EPB41: variants seen among roughly 807,000 people sequenced by gnomAD.
EPB41 encodes protein 4.1.
EPB41 carries 65 observed loss-of-function variants against 108.0 expected under a neutral mutation model. The ratio of observed to expected loss-of-function variants is 0.60; its 90% confidence interval spans 0.49 to 0.74. The LOEUF (loss-of-function observed/expected upper bound fraction) is 0.74. Among genes scored for constraint, EPB41 ranks in the 30% least tolerant of loss-of-function variants. The pLI is 0.00. For missense variants in EPB41, 875 were observed against 1,037.0 expected (o/e 0.84, Z 2.15); for synonymous variants, 336 against 358.9 (o/e 0.94, Z 0.72).
At chr1:29,095,139 T>C (rs566862714) in intron 16 of EPB41, among the ~76,000 whole-genome samples, 114 of 152,008 alleles carry the variant, frequency 7.5e-4, no homozygotes, top group Non-Finnish European at 1.5e-3. Flanking sequence ...AGATACAGAG[T>C]GGTGACTCTA....
chr1:28,962,169 T>C (rs578170327), intron 1 of EPB41, among the ~76,000 whole-genome samples: 1 of 152,146 alleles, frequency 6.6e-6, no homozygotes, highest in African/African-American at 2.4e-5. Context: ...CAAGCGATTC[T>C]CCTGCCTCAG....
intron 16 of EPB41, among the ~76,000 whole-genome samples, chr1:29,087,091 G>A (rs574295806): frequency 1.3e-5 from 2 of 151,396 alleles, no homozygotes; most frequent in South Asian, 2.1e-4. Context: ...ACAGGCGCCC[G>A]CCACCATGCC....
chr1:28,935,467 A>ACACACACACACACACACACACACACAC (rs1294457517), intron 1 of EPB41, among the ~76,000 whole-genome samples: 1 of 64,216 alleles, frequency 1.6e-5, no homozygotes, highest in Non-Finnish European at 3.2e-5. Context: ...ACACACACAC[A>ACACACACACACACACACACACACACAC]CCCCCCCCCC....
chr1:29,015,577 A>AG, intron 5 of EPB41, 115 bp from the exon 6 acceptor site: 2 of 703,628 alleles, frequency 2.8e-6, no homozygotes, highest in Non-Finnish European at 4.6e-6. Flanking sequence ...TCCGTCTCAA[A>AG]GAAAAAAAAA....
At chr1:28,988,215 G>A (rs1046279050) in intron 2 of EPB41, among the ~76,000 whole-genome samples, 3 of 152,204 alleles carry the variant, frequency 2.0e-5, no homozygotes, top group South Asian at 2.1e-4. Context: ...AGCTGAGATC[G>A]TGCCACTGCA....
At chr1:29,076,678 A>G (rs1654203909) in intron 16 of EPB41, among the ~76,000 whole-genome samples, 1 of 152,202 alleles carries the variant, frequency 6.6e-6, no homozygotes, top group African/African-American at 2.4e-5. Flanking sequence ...AAGTGATAAT[A>G]AATATTTGAA....
At chr1:28,933,202 G>C (rs577383994) in intron 1 of EPB41, among the ~76,000 whole-genome samples, 15 of 152,168 alleles carry the variant, frequency 9.9e-5, no homozygotes, top group Non-Finnish European at 2.2e-4. Flanking sequence ...ATGATAAATA[G>C]ATGGCAACAT....
At chr1:29,053,368 C>A in intron 12 of EPB41, 56 bp downstream of exon 12, 1 of 1,595,018 alleles carries the variant, frequency 6.3e-7, no homozygotes, top group East Asian at 2.2e-5. Flanking sequence ...GAGGCCTTAA[C>A]TTTTTGACCA....
At chr1:28,909,240 C>G (rs138809262) in intron 1 of EPB41, among the ~76,000 whole-genome samples, 66 of 151,022 alleles carry the variant, frequency 4.4e-4, no homozygotes, top group African/African-American at 1.4e-3. Flanking sequence ...TGAAATTGTT[C>G]ACATTTGATC....
Position 29,051,018 on chromosome 1 carries a change from C to T in EPB41, c.1637-2086C>T, listed in dbSNP as rs746879990. On this transcript the variant is annotated intron_variant, in intron 11 of 20. Transcript: ENST00000343067. The stretch of plus-strand genomic sequence containing the variant: ...ATTTCTGCTGTTTTTCCTATATATC[C>T]GCTAAGGAATTAGTTCTTTCATTGG... Among the ~76,000 whole-genome samples the T allele has an allele frequency of 9.9e-5, 15 of 150,926 alleles. No individual in the cohort carries two copies. In the Middle Eastern group the frequency reaches 0.01, roughly 105 times the overall value.
intron 16 of EPB41, chr1:29,065,388 C>G (rs1482211753): frequency 3.7e-6 from 2 of 546,008 alleles, no homozygotes; most frequent in Non-Finnish European, 5.7e-6. Flanking sequence ...AGATGATTAG[C>G]CTCTGAGAAC....
intron 17 of EPB41, among the ~76,000 whole-genome samples, chr1:29,100,871 G>C (rs1288197559): frequency 1.3e-5 from 2 of 150,828 alleles, no homozygotes; most frequent in Admixed American, 1.3e-4. Flanking sequence ...CAAGGCTACA[G>C]TGAGCTAGAG....
At chr1:28,910,087 CA>C (rs5773222), upstream of EPB41, among the ~76,000 whole-genome samples, 18,166 of 120,868 alleles carry the variant, frequency 0.15, 1,443 homozygotes, top group African/African-American at 0.28. Context: ...ACCACTGTCT[CA>C]AAAAAAAAAA....
chr1:28,915,411 C>T (rs1279276687), intron 1 of EPB41, among the ~76,000 whole-genome samples: 1 of 152,118 alleles, frequency 6.6e-6, no homozygotes, highest in Non-Finnish European at 1.5e-5. Context: ...TCCGTGCTCG[C>T]TGGGCTGCTG....
chr1:28,891,371 T>G (rs2090097703), intron 1 of EPB41, among the ~76,000 whole-genome samples: 1 of 152,070 alleles, frequency 6.6e-6, no homozygotes, highest in African/African-American at 2.4e-5. Context: ...AGACTGAGGT[T>G]GGAGAGGTTC....
At chr1:28,930,077 A>G (rs1055523457) in intron 1 of EPB41, among the ~76,000 whole-genome samples, 1 of 150,794 alleles carries the variant, frequency 6.6e-6, no homozygotes, top group Non-Finnish European at 1.5e-5. Flanking sequence ...GTAAGCACTA[A>G]CTACTTTATG....
chr1:29,078,937 C>T (rs560968616), intron 16 of EPB41, among the ~76,000 whole-genome samples: 19 of 152,156 alleles, frequency 1.2e-4, no homozygotes, highest in African/African-American at 3.9e-4. Flanking sequence ...TTCCCAAATT[C>T]ACCTTTTCTT....
chr1:29,009,768 T>C lies in EPB41; in HGVS notation c.787-2097T>C, dbSNP rs185613453. The stretch of plus-strand genomic sequence containing the variant: ...TGACAGGCTTAAACAAGTATGTGCT[T>C]ATTTTTATACCTTAGAACAATTTAA... On this transcript the variant is annotated intron_variant, in intron 4 of 20. Coordinates refer to ENST00000343067, the MANE Select transcript of EPB41 (RefSeq NM_001376013.1). 2.7e-3 allele frequency among the ~76,000 whole-genome samples: 414 copies of C among 152,326 alleles called. 6 individuals are homozygous for C. Among genetic ancestry groups the C allele is most frequent in the African/African-American group, 9.5e-3 (393 of 41,582 alleles).
chr1:29,038,140 G>A (rs1317284073), intron 10 of EPB41, among the ~76,000 whole-genome samples: 2 of 152,044 alleles, frequency 1.3e-5, no homozygotes, highest in East Asian at 3.8e-4. Context: ...CACAGTCAAC[G>A]AGAAGAAAAT....
Sources: gnomAD v4.1 joint callset for allele counts (sites outside exome capture counted in the v4.1 genomes callset) on GRCh38, gnomAD v4.1.1 for gene constraint, MANE v1.5 for transcripts, NCBI Gene and HGNC (gene_info 2026-07-23, HGNC 2026-07-21) for gene names.